TMEM63A: variants seen among roughly 807,000 people sequenced by gnomAD.
TMEM63A encodes the protein mechanosensitive cation channel TMEM63A.
TMEM63A carries 76 observed loss-of-function variants against 100.6 expected under a neutral mutation model. The observed-to-expected ratio is 0.76, with a 90% CI of 0.63 to 0.91. TMEM63A has a LOEUF of 0.91. TMEM63A is among the 40% of genes least tolerant of loss of function. The pLI is 0.00. For synonymous variants in TMEM63A, 401 were observed against 401.1 expected (o/e 1.00, Z 0.00); for missense variants, 876 against 1,008.8 (o/e 0.87, Z 1.78).
rs139299671 is a variant in TMEM63A at position 225,865,292 on chromosome 1, C to T, written c.746+605G>A. 2.6e-5 allele frequency: 4 copies of T among 152,568 alleles called. No individual in the cohort carries two copies. Among genetic ancestry groups the T allele is most frequent in the African/African-American group, 9.6e-5 (4 of 41,544 alleles). The allele number at this position is 152,568 out of a possible 1,614,324, so 9.5% of individuals were successfully genotyped here. On this transcript the variant is annotated intron_variant, in intron 10 of 24. Coordinates refer to ENST00000366835, the MANE Select transcript of TMEM63A (RefSeq NM_014698.3). The surrounding 1 kb of genome is among the most constrained non-coding windows in gnomAD (Gnocchi z 4.6). Reference sequence around the variant, plus strand: ...ATGCTCTGGGCCTTTCCCCGCATCCCTGGCTGCACACGTAATCTCCTCACA... The same window carrying T: ...ATGCTCTGGGCCTTTCCCCGCATCCTTGGCTGCACACGTAATCTCCTCACA...
chr1:225,865,791 C>G lies in TMEM63A; in HGVS notation c.746+106G>C. 1 of 1,164,490 alleles carries G rather than the reference C, an allele frequency of 8.6e-7. No individual in the cohort carries two copies. Among genetic ancestry groups the G allele is most frequent in the Admixed American group, 2.0e-5 (1 of 49,204 alleles). The allele number at this position is 1,164,490 out of a possible 1,614,324, so 72.1% of individuals were successfully genotyped here. On this transcript the variant is annotated intron_variant, in intron 10 of 24. Coordinates refer to ENST00000366835, the MANE Select transcript of TMEM63A (RefSeq NM_014698.3). The surrounding 1 kb of genome is among the most constrained non-coding windows in gnomAD (Gnocchi z 4.6). ...CCTTCTCAGATCTCACCTGGATACC[C>G]AAGCGAGAGACAGAAGGCGCTCACC... is the stretch of plus-strand genomic sequence containing the variant.
At chr1:225,859,075 A>G (rs770447281) in intron 15 of TMEM63A, 121 bp downstream of exon 15, 235 of 1,429,702 alleles carry the variant, frequency 1.6e-4, no homozygotes, top group Admixed American at 2.7e-4. Context: ...TGAGCTGAGC[A>G]ACATGACCCA....
chr1:225,861,098 G>A (rs1267333959), intron 13 of TMEM63A, 101 bp from the exon 14 acceptor site: 11 of 1,362,194 alleles, frequency 8.1e-6, no homozygotes, highest in Non-Finnish European at 1.1e-5. Context: ...AGTGGCATAG[G>A]ACCTTTGCTT....
At chr1:225,877,248 C>G in intron 3 of TMEM63A, 147 bp downstream of exon 3, 1 of 861,580 alleles carries the variant, frequency 1.2e-6, no homozygotes. Context: ...CTAAGTAACA[C>G]GCCTAAGTCA....
Position 225,862,384 on chromosome 1 carries a change from G to T in TMEM63A, c.952-33C>A. The T allele has an allele frequency of 6.2e-7, 1 of 1,614,014 alleles. No individual in the cohort carries two copies. The highest frequency in any genetic ancestry group is 8.5e-7 in the Non-Finnish European group (1 of 1,179,914). On this transcript the variant is annotated intron_variant, in intron 12 of 24. Transcript: ENST00000366835. The surrounding 1 kb of genome is among the most constrained non-coding windows in gnomAD (Gnocchi z 5.1). ...AAGACACATCCCATTGGGATGACGT[G>T]GCCCCATGCTGGTATCTGGGGCACC...
intron 1 of TMEM63A, among the ~76,000 whole-genome samples, 189 bp downstream of exon 1, chr1:225,882,115 G>C (rs1448309405): frequency 6.6e-6 from 1 of 152,240 alleles, no homozygotes; most frequent in Non-Finnish European, 1.5e-5. Flanking sequence ...AAGGAGCGCA[G>C]GGCTGGAATG....
intron 2 of TMEM63A, among the ~76,000 whole-genome samples, chr1:225,878,545 T>C (rs1019614886): frequency 6.6e-6 from 1 of 152,026 alleles, no homozygotes. Context: ...CTAATAGAAA[T>C]CTCCAGTGTC....
chr1:225,845,284 T>G (rs778087692), downstream of TMEM63A: 17 of 1,613,120 alleles, frequency 1.1e-5, no homozygotes, highest in African/African-American at 2.0e-4. Context: ...TTGCGGCCTT[T>G]GAGGAGCCGG....
Position 225,862,326 on chromosome 1 carries a change from C to T in TMEM63A, c.977G>A (p.Arg326Gln), listed in dbSNP as rs372305824. The part of the protein sequence containing the change: ...EWEDAISYYT[R>Q]MKDRLLERIT... Reference sequence around the variant, plus strand: ...CCTCTCCAGCAGCCTGTCCTTCATCCGTGTGTAGTAAGAGATGGCGTCTTC... The same window carrying T: ...CCTCTCCAGCAGCCTGTCCTTCATCTGTGTGTAGTAAGAGATGGCGTCTTC... Residue 326 changes from arginine (R) to glutamine (Q), a missense_variant, in exon 13 of 25, where the codon CGG becomes CAG. Coordinates refer to ENST00000366835, the MANE Select transcript of TMEM63A (RefSeq NM_014698.3). The surrounding 1 kb of genome is among the most constrained non-coding windows in gnomAD (Gnocchi z 5.1). 1.5e-5 allele frequency: 24 copies of T among 1,614,054 alleles called. No individual in the cohort carries two copies. Among genetic ancestry groups the T allele is most frequent in the Non-Finnish European group, 1.9e-5 (22 of 1,180,038 alleles).
chr1:225,855,987 A>T (rs1420901300), intron 17 of TMEM63A, 47 bp from the exon 18 acceptor site: 3 of 1,585,294 alleles, frequency 1.9e-6, no homozygotes, highest in African/African-American at 1.4e-5. Flanking sequence ...AGCATTCCAT[A>T]TTGTCACTAC....
chr1:225,848,203 A>G (rs1669120332), intron 23 of TMEM63A: 2 of 443,690 alleles, frequency 4.5e-6, no homozygotes, highest in Admixed American at 4.1e-5. Context: ...TAAAGCCCCA[A>G]ACTCACCAGG....
intron 15 of TMEM63A, 45 bp downstream of exon 15, chr1:225,859,151 T>C: frequency 1.2e-6 from 2 of 1,613,378 alleles, no homozygotes; most frequent in Non-Finnish European, 1.7e-6. Context: ...CAAGCCCTCT[T>C]CTCACCAGCT....
chr1:225,844,888 A>G (rs1668803734), downstream of TMEM63A, among the ~76,000 whole-genome samples: 1 of 152,052 alleles, frequency 6.6e-6, no homozygotes, highest in Admixed American at 6.5e-5. Flanking sequence ...TGGTTCTGGG[A>G]TTTCCAAGTC....
At chr1:225,880,963 C>T (rs1303557728) in intron 1 of TMEM63A, among the ~76,000 whole-genome samples, 3 of 152,190 alleles carry the variant, frequency 2.0e-5, no homozygotes, top group Non-Finnish European at 4.4e-5. Context: ...TTTATCATCA[C>T]CAAATCTTTC....
chr1:225,870,585 A>G (rs1670462162), intron 6 of TMEM63A, among the ~76,000 whole-genome samples: 1 of 152,220 alleles, frequency 6.6e-6, no homozygotes, highest in African/African-American at 2.4e-5. Context: ...TGAATGTATT[A>G]TATTTCTTCA....
At chr1:225,864,434 C>T (rs1670099349) in intron 10 of TMEM63A, 2 of 152,148 alleles carry the variant, frequency 1.3e-5, no homozygotes, top group Non-Finnish European at 2.9e-5. Context: ...ACATCAATCC[C>T]CACGGACTGC....
At chr1:225,880,022 G>T (rs1322861041) in intron 1 of TMEM63A, among the ~76,000 whole-genome samples, 1 of 152,134 alleles carries the variant, frequency 6.6e-6, no homozygotes, top group Non-Finnish European at 1.5e-5. Context: ...GGAAACACCT[G>T]CGGCTCCTCT....
rs544039128 is a variant in TMEM63A, at chr1:225,855,864, T to C, written c.1634+14A>G. On this transcript the variant is annotated intron_variant, in intron 18 of 24. Coordinates refer to ENST00000366835, the MANE Select transcript of TMEM63A (RefSeq NM_014698.3). The stretch of plus-strand genomic sequence containing the variant: ...CAGGGCCATGGCTCCAGAACTCAAC[T>C]TGGCAATACTCACTCCAACCTGATG... 3 of 1,613,496 alleles carry C rather than the reference T, an allele frequency of 1.9e-6. No homozygotes were observed. Among genetic ancestry groups the C allele is most frequent in the African/African-American group, 1.3e-5 (1 of 74,980 alleles).
chr1:225,880,643 G>C (rs1343327900), intron 1 of TMEM63A, among the ~76,000 whole-genome samples: 1 of 152,176 alleles, frequency 6.6e-6, no homozygotes. Context: ...CCGAGGGTAG[G>C]AAAGCCAAGA....
Sources: allele counts gnomAD v4.1 joint callset (sites outside exome capture counted in the v4.1 genomes callset), GRCh38; gene constraint gnomAD v4.1.1; non-coding constraint Gnocchi (gnomAD v3.1); transcripts MANE v1.5; gene names NCBI Gene and HGNC (gene_info 2026-07-23, HGNC 2026-07-21).